Variants in PHLPP1 observed in about 807,000 individuals in gnomAD.
PHLPP1 encodes PH domain and leucine rich repeat protein phosphatase 1.
PHLPP1 carries 42 observed loss-of-function variants against 117.2 expected under a neutral mutation model. That is an observed-to-expected ratio of 0.36 (90% CI 0.28 to 0.46). The LOEUF is 0.46. PHLPP1 is among the 20% of genes least tolerant of loss of function. The probability of loss-of-function intolerance (pLI) is 1.00; values close to 1 mark genes in which losing one functional copy is unlikely to be tolerated. For missense variants in PHLPP1, 2,084 were observed against 2,241.9 expected (o/e 0.93, Z 1.42); for synonymous variants, 1,042 against 970.7 (o/e 1.07, Z -1.37).
At chr18:62,942,920 T>C (rs1910171006) in intron 11 of PHLPP1, among the ~76,000 whole-genome samples, 1 of 152,202 alleles carries the variant, frequency 6.6e-6, no homozygotes, top group Non-Finnish European at 1.5e-5. Flanking sequence ...AATATTTACT[T>C]TCCTCCTCAT....
In PHLPP1 at chr18:62,715,818, CG is replaced by C; in HGVS notation, c.140del (p.Gly47AlafsTer9). ...AAAAALAAAAGGGRSPEPALT... is the reference protein window; with the variant it reads ...AAAAALAAAAXGGRSPEPALT... ...CCGCGGCGGCTCTGGCGGCGGCGGC[CG>C]GGGGCGGCCGGAGTCCGGAGCCCGC... On this transcript the variant is annotated frameshift_variant, in exon 1 of 17. Transcript: ENST00000262719. LOFTEE classifies it high-confidence loss of function. 9 of 764,968 alleles carry C rather than the reference CG, an allele frequency of 1.2e-5. No individual in the cohort carries two copies. Among genetic ancestry groups the C allele is most frequent in the South Asian group, 5.7e-5 (1 of 17,492 alleles). The allele number at this position is 764,968 out of a possible 1,614,324, so 47.4% of individuals were successfully genotyped here. A position where few individuals can be genotyped will look rare whatever the true frequency, so the allele number is the denominator to read the frequency against.
At chr18:62,939,488 G>A (rs1910067523) in intron 10 of PHLPP1, among the ~76,000 whole-genome samples, 1 of 152,132 alleles carries the variant, frequency 6.6e-6, no homozygotes, top group South Asian at 2.1e-4. Flanking sequence ...AAACAGCGAT[G>A]GTAAACAACT....
At chr18:62,876,805 AAATT>A (rs1306393793) in intron 4 of PHLPP1, among the ~76,000 whole-genome samples, 1 of 152,206 alleles carries the variant, frequency 6.6e-6, no homozygotes, top group Non-Finnish European at 1.5e-5. Context: ...GCTGTGGTAT[AAATT>A]GAGTAAGTTT....
chr18:62,784,727 A>G (rs972683585), intron 1 of PHLPP1, among the ~76,000 whole-genome samples: 5 of 152,236 alleles, frequency 3.3e-5, no homozygotes, highest in African/African-American at 1.2e-4. Context: ...TTGAGAGTGA[A>G]TTGGAACAGA....
rs1916763604 is a variant in PHLPP1, at chr18:62,903,005, T to C, written c.2486T>C (p.Phe829Ser). 1 of 1,613,170 alleles carries C rather than the reference T, an allele frequency of 6.2e-7. No individual in the cohort carries two copies. The highest frequency in any genetic ancestry group is 1.7e-5 in the Admixed American group (1 of 60,020). ...AAGCTGATAGCAGATGAAGTGGACT[T>C]TCTACAGCATGTTACTCAGCTTGAC... The part of the protein sequence containing the change: ...IRKLIADEVD[F>S]LQHVTQLDLR... Residue 829 changes from phenylalanine to serine, a missense_variant, in exon 7 of 17, where the codon TTT becomes TCT. Physicochemically the swap from Phe to Ser is radical, Grantham distance 155. Coordinates refer to ENST00000262719, the MANE Select transcript of PHLPP1 (RefSeq NM_194449.4).
In PHLPP1 at chr18:62,975,610, G is replaced by A. The variant is rs1388573183; in HGVS notation, c.3969G>A (p.Lys1323=). The part of the protein sequence containing the change: ...EEELKRIKQH[K]AIITEDGKVN... ...AGCTGAAGAGGATTAAACAGCACAA[G>A]GCCATTATCACTGAGGTGAGAAAAC... The change falls in exon 16 of 17, where the codon AAG becomes AAA. Residue 1323 remains lysine, a synonymous_variant. Coordinates refer to ENST00000262719, the MANE Select transcript of PHLPP1 (RefSeq NM_194449.4). 2.1e-5 allele frequency: 34 copies of A among 1,609,862 alleles called. No individual in the cohort carries two copies. Among genetic ancestry groups the A allele is most frequent in the Non-Finnish European group, 2.6e-5 (31 of 1,176,254 alleles).
intron 9 of PHLPP1, among the ~76,000 whole-genome samples, chr18:62,917,115 G>T (rs1352337511): frequency 1.3e-5 from 2 of 149,596 alleles, no homozygotes; most frequent in Non-Finnish European, 1.5e-5. Context: ...TAGCACATTG[G>T]CATCCAAGTT....
intron 1 of PHLPP1, among the ~76,000 whole-genome samples, chr18:62,774,666 A>G (rs1956413210): frequency 6.6e-6 from 1 of 152,176 alleles, no homozygotes; most frequent in African/African-American, 2.4e-5. Context: ...TAAGGTAACA[A>G]TTTCATCTGT....
chr18:62,926,156 G>T (rs549420687), intron 10 of PHLPP1, among the ~76,000 whole-genome samples: 1 of 152,084 alleles, frequency 6.6e-6, no homozygotes, highest in East Asian at 1.9e-4. Context: ...TAGAGAATCA[G>T]TCAATGATGT....
intron 4 of PHLPP1, among the ~76,000 whole-genome samples, chr18:62,884,682 C>T (rs923764427): frequency 6.6e-6 from 1 of 152,184 alleles, no homozygotes; most frequent in African/African-American, 2.4e-5. Context: ...AAGTTAAACA[C>T]GGGCTGTTAC....
intron 12 of PHLPP1, among the ~76,000 whole-genome samples, chr18:62,957,509 AT>A (rs1910646559): frequency 6.6e-6 from 1 of 151,524 alleles, no homozygotes; most frequent in South Asian, 2.1e-4. Context: ...GCTTTTGCCA[AT>A]TTCTTATTCA....
chr18:62,888,741 T>C (rs1916345797), intron 4 of PHLPP1, among the ~76,000 whole-genome samples: 1 of 152,188 alleles, frequency 6.6e-6, no homozygotes, highest in Non-Finnish European at 1.5e-5. Context: ...GGCTTACCTA[T>C]TATGGCAAAG....
chr18:62,944,049 CAAA>C (rs892355222), intron 11 of PHLPP1, among the ~76,000 whole-genome samples: 2 of 151,282 alleles, frequency 1.3e-5, no homozygotes, highest in African/African-American at 4.9e-5. Flanking sequence ...TGAAAGATGA[CAAA>C]AATAATACAG....
intron 10 of PHLPP1, among the ~76,000 whole-genome samples, chr18:62,924,648 A>AC (rs1414647919): frequency 6.8e-6 from 1 of 147,720 alleles, no homozygotes; most frequent in Non-Finnish European, 1.5e-5. Flanking sequence ...AGCCTGGGCA[A>AC]CATGGCAAGA....
chr18:62,781,751 T>C (rs1275229175), intron 1 of PHLPP1, among the ~76,000 whole-genome samples: 1 of 152,246 alleles, frequency 6.6e-6, no homozygotes, highest in Non-Finnish European at 1.5e-5. Flanking sequence ...CCAGTTTTAA[T>C]GCTGCATGTT....
At chr18:62,967,713 T>G (rs1013979394) in intron 14 of PHLPP1, among the ~76,000 whole-genome samples, 1 of 152,054 alleles carries the variant, frequency 6.6e-6, no homozygotes, top group African/African-American at 2.4e-5. Flanking sequence ...GACTGTATGG[T>G]TTTTTTTCTT....
At chr18:62,869,748 A>G (rs1915853243) in intron 4 of PHLPP1, among the ~76,000 whole-genome samples, 1 of 152,220 alleles carries the variant, frequency 6.6e-6, no homozygotes, top group Admixed American at 6.5e-5. Context: ...TTACACTGCA[A>G]TAAAAGATTT....
rs556649760 is a variant in PHLPP1 at position 62,718,757 on chromosome 18, C to A, written c.1576+1498C>A. ...TTACAAAAGCATTAAAAATAGGTGCCCTTTAACTACATGGAAGGAACTGTA... is the reference window on the plus strand; with the variant it reads ...TTACAAAAGCATTAAAAATAGGTGCACTTTAACTACATGGAAGGAACTGTA... On this transcript the variant is annotated intron_variant, in intron 1 of 16. Transcript: ENST00000262719. 2.6e-5 allele frequency among the ~76,000 whole-genome samples: 4 copies of A among 152,150 alleles called. No individual in the cohort carries two copies. The East Asian group carries it at 7.7e-4, about 29-fold the overall frequency.
intron 1 of PHLPP1, among the ~76,000 whole-genome samples, chr18:62,810,918 C>A (rs550942883): frequency 1.3e-5 from 2 of 152,220 alleles, no homozygotes; most frequent in South Asian, 4.1e-4. Flanking sequence ...CAGAATGTGA[C>A]CTTAGGGTCT....
Sources: gnomAD v4.1 joint callset for allele counts (sites outside exome capture counted in the v4.1 genomes callset) on GRCh38, gnomAD v4.1.1 for gene constraint, MANE v1.5 for transcripts, NCBI Gene and HGNC (gene_info 2026-07-23, HGNC 2026-07-21) for gene names.